The following TBC1D32 variants were observed in gnomAD, a reference collection of about 807,000 sequenced individuals.
TBC1D32 encodes protein broad-minded.
In TBC1D32, 151 loss-of-function variants were observed where a neutral mutation model predicts 170.3. The ratio of observed to expected loss-of-function variants is 0.89; its 90% CI spans 0.78 to 1.01. The LOEUF is 1.01. TBC1D32 is among the 50% of genes least tolerant of loss of function. The pLI is 0.00. For missense variants in TBC1D32, 1,464 were observed against 1,457.1 expected (o/e 1.00, Z -0.08); for synonymous variants, 498 against 488.0 (o/e 1.02, Z -0.27).
intron 15 of TBC1D32, among the ~76,000 whole-genome samples, chr6:121,262,105 C>G (rs1799841524): frequency 6.6e-6 from 1 of 152,086 alleles, no homozygotes. Flanking sequence ...ATGTACAAAA[C>G]CTACAAGAAT....
chr6:121,087,320 C>A (rs553272170), intron 31 of TBC1D32, among the ~76,000 whole-genome samples: 59 of 152,222 alleles, frequency 3.9e-4, no homozygotes, highest in African/African-American at 1.4e-3. Flanking sequence ...CAAGAAATTC[C>A]AACTTATCTT....
At chr6:121,157,300 G>A (rs1785027483) in intron 24 of TBC1D32, among the ~76,000 whole-genome samples, 1 of 152,102 alleles carries the variant, frequency 6.6e-6, no homozygotes, top group South Asian at 2.1e-4. Flanking sequence ...TTGGTTAAAA[G>A]TCTATTTTAT....
chr6:121,220,109 G>C (rs1273823922), intron 21 of TBC1D32, among the ~76,000 whole-genome samples: 1 of 152,040 alleles, frequency 6.6e-6, no homozygotes, highest in Non-Finnish European at 1.5e-5. Flanking sequence ...AACCTCTAAG[G>C]GTTCAAATAA....
chr6:121,262,152 T>C (rs1327476798), intron 15 of TBC1D32, among the ~76,000 whole-genome samples: 4 of 152,160 alleles, frequency 2.6e-5, no homozygotes, highest in South Asian at 4.1e-4. Context: ...CTATGACTGA[T>C]TGGAGTACCT....
chr6:121,317,804 G>T, intron 2 of TBC1D32, 132 bp from the exon 3 acceptor site: 2 of 542,782 alleles, frequency 3.7e-6, no homozygotes, highest in Non-Finnish European at 5.9e-6. Flanking sequence ...GAGAAAAATC[G>T]AACTCAATTT....
At chr6:121,255,049 T>C (rs2128393078) in intron 17 of TBC1D32, among the ~76,000 whole-genome samples, 1 of 152,234 alleles carries the variant, frequency 6.6e-6, no homozygotes, top group South Asian at 2.1e-4. Flanking sequence ...TGGTATTTGG[T>C]AATTCTCCAA....
At chr6:121,132,922 G>A (rs1781601280) in intron 24 of TBC1D32, among the ~76,000 whole-genome samples, 1 of 151,814 alleles carries the variant, frequency 6.6e-6, no homozygotes, top group African/African-American at 2.4e-5. Context: ...AAATTCAAAG[G>A]TGACGAAAGA....
intron 5 of TBC1D32, among the ~76,000 whole-genome samples, chr6:121,307,449 AT>A (rs1323641100): frequency 1.3e-5 from 2 of 152,210 alleles, no homozygotes; most frequent in Admixed American, 6.5e-5. Context: ...GTAGCAGTGT[AT>A]TATTTGGCAA....
intron 22 of TBC1D32, among the ~76,000 whole-genome samples, chr6:121,169,812 A>C (rs1030095262): frequency 2.0e-5 from 3 of 152,174 alleles, no homozygotes; most frequent in Non-Finnish European, 2.9e-5. Flanking sequence ...ACATAAAGGC[A>C]ATGCCAGCTA....
chr6:121,313,143 TGTGTGTGTGTGTGTGTGTGTG>T, intron 3 of TBC1D32, among the ~76,000 whole-genome samples: 1 of 144,522 alleles, frequency 6.9e-6, no homozygotes, highest in Admixed American at 7.7e-5. Context: ...TGTGTGTGTG[TGTGTGTGTGTGTGTGTGTGTG>T]TGTGTAGAGA....
chr6:121,152,937 G>T (rs1784391569), intron 24 of TBC1D32, among the ~76,000 whole-genome samples: 1 of 152,034 alleles, frequency 6.6e-6, no homozygotes, highest in Admixed American at 6.6e-5. Context: ...ACTTGCATTG[G>T]ATTAGAAAGT....
chr6:121,294,791 T>C, intron 10 of TBC1D32, 131 bp from the exon 11 acceptor site: 1 of 718,578 alleles, frequency 1.4e-6, no homozygotes, highest in Middle Eastern at 3.8e-4. Flanking sequence ...AGTACCTTTC[T>C]AGCCCTTAAA....
chr6:121,220,640 C>CTTTTTTTTTTTTTTTTTTTTTTTTTTT (rs923251281), intron 21 of TBC1D32, among the ~76,000 whole-genome samples: 1 of 126,210 alleles, frequency 7.9e-6, no homozygotes, highest in Non-Finnish European at 1.6e-5. Context: ...TTTTCTTTTT[C>CTTTTTTTTTTTTTTTTTTTTTTTTTTT]TTTTTTTTTT....
At chr6:121,131,773 C>T (rs1781466019) in intron 24 of TBC1D32, 21 bp from the exon 25 acceptor site, 1 of 1,553,278 alleles carries the variant, frequency 6.4e-7, no homozygotes, top group South Asian at 1.1e-5. Flanking sequence ...AGATAACATA[C>T]TATTATAATA....
intron 15 of TBC1D32, among the ~76,000 whole-genome samples, chr6:121,273,578 T>C (rs1302974822): frequency 6.6e-6 from 1 of 150,680 alleles, no homozygotes; most frequent in Non-Finnish European, 1.5e-5. Flanking sequence ...ATGACACACA[T>C]ATACATATGT....
rs937871568 is a variant in TBC1D32, at chr6:121,241,689, C to A, written c.2158-137G>T. 5 of 763,148 alleles carry A rather than the reference C, an allele frequency of 6.6e-6. No homozygotes were observed. The Admixed American group carries it at 8.1e-5, about 12-fold the overall frequency. The allele number at this position is 763,148 out of a possible 1,614,324, so 47.3% of individuals were successfully genotyped here. On this transcript the variant is annotated intron_variant, in intron 18 of 31. Coordinates refer to ENST00000398212, the MANE Select transcript of TBC1D32 (RefSeq NM_152730.6). ...AAATCATACCTAAGATCTTAAAAAG[C>A]CCAAAAGTCTAGGGATATTTAGTAT...
Position 121,112,577 on chromosome 6 carries a change from T to C in TBC1D32, c.3252A>G (p.Thr1084=). ...TGGAGAATTGATGAAGAAATTGGAA[T>C]GTTTTTTCTTTGTCTCCCAACATTA... is the stretch of plus-strand genomic sequence containing the variant. ...FMIMLGDKEK[T]FQFLHQFSRL... The change falls in exon 29 of 32, where the codon ACA becomes ACG. Residue 1084 remains threonine (T), a synonymous_variant. Coordinates refer to ENST00000398212, the MANE Select transcript of TBC1D32 (RefSeq NM_152730.6). 6.2e-7 allele frequency: 1 copy of C among 1,611,418 alleles called. No homozygotes were observed. Among genetic ancestry groups the C allele is most frequent in the Non-Finnish European group, 8.5e-7 (1 of 1,178,356 alleles).
intron 21 of TBC1D32, among the ~76,000 whole-genome samples, chr6:121,211,954 C>T (rs1291148450): frequency 6.6e-6 from 1 of 150,942 alleles, no homozygotes; most frequent in African/African-American, 2.4e-5. Context: ...GCAGGCACTC[C>T]CTGTGTATCT....
At chr6:121,308,683 C>CT in intron 4 of TBC1D32, among the ~76,000 whole-genome samples, 1 of 47,256 alleles carries the variant, frequency 2.1e-5, no homozygotes, top group East Asian at 1.2e-3. Context: ...AGAAAGCTTA[C>CT]TTCTTTTTTT....
Sources: gnomAD v4.1 joint callset for allele counts (sites outside exome capture counted in the v4.1 genomes callset) on GRCh38, gnomAD v4.1.1 for gene constraint, MANE v1.5 for transcripts, NCBI Gene and HGNC (gene_info 2026-07-23, HGNC 2026-07-21) for gene names.